Variants in ADRA1B observed in about 807,000 individuals in gnomAD.
ADRA1B encodes adrenoceptor alpha 1B, also known as alpha-1B adrenergic receptor.
ADRA1B carries 17 observed loss-of-function variants against 17.9 expected under a neutral mutation model. That is an observed-to-expected ratio of 0.95 (90% CI 0.65 to 1.42). ADRA1B has a LOEUF of 1.42. Ranked by LOEUF, ADRA1B falls within the 40% of genes most tolerant of loss-of-function variation. The pLI, the probability that ADRA1B is intolerant of heterozygous loss-of-function variation, is 0.00. For missense variants in ADRA1B, 681 were observed against 722.1 expected (o/e 0.94, Z 0.65); for synonymous variants, 366 against 327.6 (o/e 1.12, Z -1.27).
intron 1 of ADRA1B, among the ~76,000 whole-genome samples, chr5:159,933,623 A>C (rs1418404463): frequency 2.6e-5 from 4 of 152,184 alleles, no homozygotes; most frequent in Admixed American, 6.5e-5. Flanking sequence ...CCCTGTTGGG[A>C]TGCAACACCC....
chr5:159,901,552 C>G (rs1754101420), intron 1 of ADRA1B, among the ~76,000 whole-genome samples: 1 of 152,020 alleles, frequency 6.6e-6, no homozygotes, highest in Admixed American at 6.6e-5. Flanking sequence ...TTATAATTAA[C>G]CAGATATGTT....
intron 1 of ADRA1B, among the ~76,000 whole-genome samples, chr5:159,886,715 A>T (rs1317994026): frequency 6.6e-6 from 1 of 152,114 alleles, no homozygotes; most frequent in African/African-American, 2.4e-5. Context: ...GAAATGGGAA[A>T]CCCACTCTTA....
chr5:159,919,078 G>T (rs527979068), intron 1 of ADRA1B, among the ~76,000 whole-genome samples: 81 of 152,038 alleles, frequency 5.3e-4, no homozygotes, highest in Non-Finnish European at 1.2e-4. Context: ...AAACAGAAAG[G>T]AAGCAAACAG....
intron 1 of ADRA1B, chr5:159,868,057 C>T (rs1435672235): frequency 6.6e-6 from 1 of 152,172 alleles, no homozygotes; most frequent in Non-Finnish European, 1.5e-5. Context: ...CACCAACTTA[C>T]CATGTAATTT....
At chr5:159,940,252 A>C (rs879594211) in intron 1 of ADRA1B, among the ~76,000 whole-genome samples, 2 of 152,208 alleles carry the variant, frequency 1.3e-5, no homozygotes, top group East Asian at 3.8e-4. Context: ...TGTAAAACCC[A>C]GTTTTAGGAA....
intron 1 of ADRA1B, among the ~76,000 whole-genome samples, chr5:159,874,917 CT>C (rs1361679306): frequency 6.6e-6 from 1 of 152,200 alleles, no homozygotes; most frequent in Non-Finnish European, 1.5e-5. Flanking sequence ...GGGATATTTT[CT>C]TTAGCTGAAA....
At chr5:159,921,193 A>T (rs1477851883) in intron 1 of ADRA1B, among the ~76,000 whole-genome samples, 1 of 152,120 alleles carries the variant, frequency 6.6e-6, no homozygotes, top group Non-Finnish European at 1.5e-5. Flanking sequence ...CACCTGGGAC[A>T]TCCTCTCCAA....
intron 1 of ADRA1B, among the ~76,000 whole-genome samples, chr5:159,928,377 G>A (rs962904325): frequency 2.0e-5 from 3 of 152,036 alleles, no homozygotes; most frequent in African/African-American, 7.2e-5. Context: ...GCACACTCCT[G>A]GCCACACTCA....
chr5:159,910,888 TTTTTGTTTTGCTTTGTC>T (rs1342419274), intron 1 of ADRA1B, among the ~76,000 whole-genome samples: 16 of 152,182 alleles, frequency 1.1e-4, no homozygotes, highest in Admixed American at 5.2e-4. Context: ...TTTTGCTGTT[TTTTTGTTTTGCTTTGTC>T]TTTTGTTTTT....
At chr5:159,925,397 C>T (rs1323615945) in intron 1 of ADRA1B, among the ~76,000 whole-genome samples, 1 of 152,214 alleles carries the variant, frequency 6.6e-6, no homozygotes, top group Non-Finnish European at 1.5e-5. Flanking sequence ...GGTAATGTCA[C>T]ATACGGTTTT....
chr5:159,877,615 G>A (rs1753817398), intron 1 of ADRA1B, among the ~76,000 whole-genome samples: 1 of 152,106 alleles, frequency 6.6e-6, no homozygotes, highest in Non-Finnish European at 1.5e-5. Context: ...AGTCATCATA[G>A]CCACTATTTT....
downstream of ADRA1B, among the ~76,000 whole-genome samples, chr5:159,973,149 G>A (rs1242423326): frequency 6.6e-6 from 1 of 152,202 alleles, no homozygotes; most frequent in East Asian, 1.9e-4. Context: ...CACCCCAGAA[G>A]AGCCGCTCTC....
At chr5:159,929,645 C>T (rs185019841) in intron 1 of ADRA1B, among the ~76,000 whole-genome samples, 10 of 151,836 alleles carry the variant, frequency 6.6e-5, no homozygotes, top group Admixed American at 3.9e-4. Flanking sequence ...GAACTTGGAC[C>T]GTGCCATCAC....
At chr5:159,976,132 T>A (rs79923646), downstream of ADRA1B, among the ~76,000 whole-genome samples, 1,175 of 152,270 alleles carry the variant, frequency 7.7e-3, 16 homozygotes, top group African/African-American at 0.027. Context: ...GGGGATCAAA[T>A]GAGATCATGA....
chr5:159,916,933 A>G lies in ADRA1B; in HGVS notation c.28A>G (p.Asn10Asp), dbSNP rs1754326033. ...GAATCCCGACCTGGACACCGGCCAC[A>G]ACACATCAGCACCTGCCCACTGGGG... MNPDLDTGH[N>D]TSAPAHWGEL... The change falls in exon 1 of 2, where the codon AAC becomes GAC. Residue 10 changes from asparagine (N) to aspartate (D), a missense_variant. Physicochemically the swap from Asn to Asp is conservative, Grantham distance 23. This residue lies in a region of ADRA1B where 424 missense variants were observed against 480.2 expected (regional missense o/e 0.88). Transcript: ENST00000306675. The G allele has an allele frequency of 4.3e-6, 7 of 1,613,660 alleles. No homozygotes were observed. Among genetic ancestry groups the G allele is most frequent in the Middle Eastern group, 1.6e-4 (1 of 6,062 alleles).
intron 1 of ADRA1B, among the ~76,000 whole-genome samples, chr5:159,910,920 G>GT (rs1167259877): frequency 1.3e-5 from 2 of 152,148 alleles, no homozygotes; most frequent in Middle Eastern, 3.4e-3. Context: ...GTTTTTTGCA[G>GT]TTTTTTTGTT....
At chr5:159,931,636 C>T (rs572019888) in intron 1 of ADRA1B, among the ~76,000 whole-genome samples, 16 of 152,260 alleles carry the variant, frequency 1.1e-4, no homozygotes, top group African/African-American at 3.9e-4. Flanking sequence ...GCTGCTGTAA[C>T]CAAATACCTT....
chr5:159,894,141 G>T (rs114454119), intron 1 of ADRA1B, among the ~76,000 whole-genome samples: 1 of 152,202 alleles, frequency 6.6e-6, no homozygotes, highest in Admixed American at 6.5e-5. Context: ...GTGGTGCCCC[G>T]CAGGGAGACG....
chr5:159,982,660 G>A, the ADRA1B span, among the ~76,000 whole-genome samples: 1 of 152,078 alleles, frequency 6.6e-6, no homozygotes, highest in Non-Finnish European at 1.5e-5. Context: ...CTTTGTACCT[G>A]GAAGGAAGCA....
Sources: gnomAD v4.1 joint callset for allele counts (sites outside exome capture counted in the v4.1 genomes callset) on GRCh38, gnomAD v4.1.1 for gene constraint, gnomAD v4.1.1 regional missense constraint, MANE v1.5 for transcripts, NCBI Gene and HGNC (gene_info 2026-07-23, HGNC 2026-07-21) for gene names.